The following KCNQ3 variants were observed in gnomAD, a reference collection of about 807,000 sequenced individuals.
The protein encoded by KCNQ3 is potassium voltage-gated channel subfamily KQT member 3.
Under a neutral mutation model 92.5 loss-of-function variants are expected in KCNQ3, and 30 were observed. That is an observed-to-expected ratio of 0.32 (90% CI 0.24 to 0.44). The LOEUF is 0.44. Ranked by LOEUF, KCNQ3 falls within the 20% of genes least tolerant of loss-of-function variation. The pLI is 1.00. For missense variants in KCNQ3, 913 were observed against 1,140.3 expected, an observed-to-expected ratio of 0.80 and a Z score of 2.87; for synonymous variants, 450 against 468.8, an observed-to-expected ratio of 0.96 and a Z score of 0.52.
At chr8:132,479,116 C>T (rs1312827403) in intron 1 of KCNQ3, among the ~76,000 whole-genome samples, 1 of 152,132 alleles carries the variant, frequency 6.6e-6, no homozygotes, top group Non-Finnish European at 1.5e-5. Context: ...CCTGCCAGCT[C>T]CGAGATGGGT....
chr8:132,450,137 G>A (rs939510316), intron 1 of KCNQ3, among the ~76,000 whole-genome samples: 2 of 152,190 alleles, frequency 1.3e-5, no homozygotes, highest in Non-Finnish European at 2.9e-5. Context: ...GACCCGAGTG[G>A]GTTGCCACTG....
chr8:132,317,685 C>T (rs1286360314), intron 1 of KCNQ3, among the ~76,000 whole-genome samples: 1 of 152,158 alleles, frequency 6.6e-6, no homozygotes, highest in African/African-American at 2.4e-5. Flanking sequence ...CTCTGCTGCC[C>T]ACCCCACCTC....
intron 1 of KCNQ3, among the ~76,000 whole-genome samples, chr8:132,373,254 T>C (rs1819523762): frequency 6.6e-6 from 1 of 152,126 alleles, no homozygotes; most frequent in South Asian, 2.1e-4. Context: ...CCTGGAGACC[T>C]ACACCTGGGG....
intron 1 of KCNQ3, among the ~76,000 whole-genome samples, chr8:132,281,337 C>T (rs1816505261): frequency 6.6e-6 from 1 of 152,120 alleles, no homozygotes; most frequent in African/African-American, 2.4e-5. Flanking sequence ...ACCTCAAAAG[C>T]ACCTGCCCTT....
chr8:132,478,099 C>T (rs901244182), intron 1 of KCNQ3, among the ~76,000 whole-genome samples: 23 of 152,156 alleles, frequency 1.5e-4, no homozygotes, highest in African/African-American at 4.1e-4. Flanking sequence ...ATATATAGTT[C>T]CTAGCTAGGT....
intron 1 of KCNQ3, among the ~76,000 whole-genome samples, chr8:132,347,357 G>A (rs1372305240): frequency 6.6e-6 from 1 of 152,150 alleles, no homozygotes; most frequent in Admixed American, 6.5e-5. Context: ...GATGATGATG[G>A]TGATGATCTT....
chr8:132,431,783 A>G (rs1269276158), intron 1 of KCNQ3, among the ~76,000 whole-genome samples: 1 of 151,812 alleles, frequency 6.6e-6, no homozygotes, highest in African/African-American at 2.4e-5. Flanking sequence ...TAGACAAGCA[A>G]CTCCCTGGGT....
chr8:132,425,431 G>A (rs1400930411), intron 1 of KCNQ3, among the ~76,000 whole-genome samples: 1 of 152,150 alleles, frequency 6.6e-6, no homozygotes, highest in Non-Finnish European at 1.5e-5. Context: ...GATCTGCATT[G>A]AGAGGATCTT....
At chr8:132,320,539 G>C (rs916734765) in intron 1 of KCNQ3, among the ~76,000 whole-genome samples, 1 of 152,086 alleles carries the variant, frequency 6.6e-6, no homozygotes, top group African/African-American at 2.4e-5. Context: ...AATCTGAAAT[G>C]TTCCCAAATT....
At chr8:132,333,181 A>G (rs1818276920) in intron 1 of KCNQ3, among the ~76,000 whole-genome samples, 1 of 152,196 alleles carries the variant, frequency 6.6e-6, no homozygotes, top group South Asian at 2.1e-4. Context: ...GCCCTTCAAG[A>G]TAAAGCCTGG....
intron 1 of KCNQ3, among the ~76,000 whole-genome samples, chr8:132,375,308 T>G (rs1379911091): frequency 1.3e-5 from 2 of 151,848 alleles, no homozygotes; most frequent in Non-Finnish European, 2.9e-5. Flanking sequence ...TCACTGCATT[T>G]TCCAAAACAG....
At chr8:132,209,696 T>C (rs1813792439) in intron 1 of KCNQ3, among the ~76,000 whole-genome samples, 1 of 152,194 alleles carries the variant, frequency 6.6e-6, no homozygotes, top group Non-Finnish European at 1.5e-5. Context: ...ATATTCACCA[T>C]TTTATTACAA....
intron 1 of KCNQ3, among the ~76,000 whole-genome samples, chr8:132,389,281 AC>A (rs2130767602): frequency 6.6e-6 from 1 of 152,164 alleles, no homozygotes; most frequent in East Asian, 1.9e-4. Context: ...ACATGGTGAA[AC>A]CCCGTCTCTA....
chr8:132,347,301 A>G (rs970289577), intron 1 of KCNQ3, among the ~76,000 whole-genome samples: 1 of 152,174 alleles, frequency 6.6e-6, no homozygotes, highest in African/African-American at 2.4e-5. Flanking sequence ...GAAAGTACCC[A>G]TTCTTACCTT....
chr8:132,303,780 T>C (rs984430375), intron 1 of KCNQ3, among the ~76,000 whole-genome samples: 7 of 147,096 alleles, frequency 4.8e-5, no homozygotes, highest in African/African-American at 1.0e-4. Flanking sequence ...CCATAAAATA[T>C]TGCATAAAAT....
At chr8:132,379,812 A>C (rs947122120) in intron 1 of KCNQ3, among the ~76,000 whole-genome samples, 1 of 151,870 alleles carries the variant, frequency 6.6e-6, no homozygotes, top group East Asian at 1.9e-4. Flanking sequence ...AGTATTTGCT[A>C]GTTGCTATTA....
intron 1 of KCNQ3, among the ~76,000 whole-genome samples, chr8:132,426,203 G>T (rs1260837127): frequency 1.3e-5 from 2 of 152,216 alleles, no homozygotes; most frequent in African/African-American, 2.4e-5. Context: ...ATGGCGGGCT[G>T]CCTTGACATC....
intron 1 of KCNQ3, among the ~76,000 whole-genome samples, chr8:132,451,292 G>A (rs1318179982): frequency 6.6e-6 from 1 of 152,230 alleles, no homozygotes; most frequent in Non-Finnish European, 1.5e-5. Flanking sequence ...ACGTGGAACT[G>A]TGAGTCCATT....
chr8:132,135,285 G>T (rs1005390623), intron 12 of KCNQ3, among the ~76,000 whole-genome samples: 1 of 152,248 alleles, frequency 6.6e-6, no homozygotes, highest in East Asian at 1.9e-4. Flanking sequence ...TACTCTGTGA[G>T]TCATTGGTTC....
Sources: allele counts gnomAD v4.1 joint callset (sites outside exome capture counted in the v4.1 genomes callset), GRCh38; gene constraint gnomAD v4.1.1; transcripts MANE v1.5; gene names NCBI Gene and HGNC (gene_info 2026-07-23, HGNC 2026-07-21).